KIF19: variants seen among roughly 807,000 people sequenced by gnomAD.
The protein encoded by KIF19 is kinesin family member 19.
In KIF19, 98 loss-of-function variants were observed where a neutral mutation model predicts 106.6. The observed-to-expected ratio is 0.92, with a 90% CI of 0.78 to 1.09. KIF19 has a LOEUF of 1.09. KIF19 is among the 50% of genes least tolerant of loss of function. KIF19 has a pLI of 0.00. For missense variants in KIF19, 1,373 were observed against 1,414.3 expected (o/e 0.97, Z 0.47); for synonymous variants, 516 against 584.2 (o/e 0.88, Z 1.68).
At position 74,326,333 on chromosome 17, in the gene KIF19, C is replaced by T; in HGVS notation, c.-17C>T. ...ATGCCCGGTGGCGCGGCCTGAGCCCCTCCACCTGCTGCAATCATGAAGGAC... is the reference window on the plus strand; with the variant it reads ...ATGCCCGGTGGCGCGGCCTGAGCCCTTCCACCTGCTGCAATCATGAAGGAC... On this transcript the variant is annotated 5_prime_UTR_variant, in exon 1 of 20. Coordinates refer to ENST00000389916, the MANE Select transcript of KIF19 (RefSeq NM_153209.4). The T allele has an allele frequency of 1.2e-6, 2 of 1,610,410 alleles. No individual in the cohort carries two copies. The highest frequency in any genetic ancestry group is 1.1e-5 in the South Asian group (1 of 90,816).
rs778492991 is a variant in KIF19, at chr17:74,353,513, T to C, written c.2240T>C (p.Leu747Pro). Residue 747 changes from leucine to proline, a missense_variant, in exon 17 of 20, where the codon CTG (leucine) becomes CCG (proline). Leu to Pro is a moderately conservative substitution (Grantham distance 98, BLOSUM62 -3). Coordinates refer to ENST00000389916, the MANE Select transcript of KIF19 (RefSeq NM_153209.4). Reference sequence around the variant, plus strand: ...CCACAGGCCCCGGCTCAGGACAGCCTGGGCAGCTGGATCAACTCTTCCCCT... The same window carrying C: ...CCACAGGCCCCGGCTCAGGACAGCCCGGGCAGCTGGATCAACTCTTCCCCT... ...VTQEAPAQDS[L>P]GSWINSSPDS... 2 of 1,613,872 alleles carry C rather than the reference T, an allele frequency of 1.2e-6. No individual in the cohort carries two copies. Among genetic ancestry groups the C allele is most frequent in the Non-Finnish European group, 1.7e-6 (2 of 1,179,868 alleles).
At chr17:74,342,946 C>A in intron 4 of KIF19, 78 bp from the exon 5 acceptor site, 2 of 1,480,884 alleles carry the variant, frequency 1.4e-6, no homozygotes, top group South Asian at 1.3e-5. Context: ...GGACAAACCC[C>A]GGTTTCCAGG....
intron 2 of KIF19, among the ~76,000 whole-genome samples, chr17:74,339,538 C>G (rs2054302870): frequency 6.7e-6 from 1 of 149,606 alleles, no homozygotes; most frequent in African/African-American, 2.5e-5. Flanking sequence ...AAGAGGGGAC[C>G]AATGAGACAC....
chr17:74,344,844 G>A lies in KIF19; in HGVS notation c.666G>A (p.Ala222=), dbSNP rs200721967. The part of the protein sequence containing the change: ...AANQTSSRSH[A]VLQVTVRQRS... Reference sequence around the variant, plus strand: ...ACCAGACGTCCTCCCGCTCCCACGCGGTACTGCAGGTGACCGTGCGCCAGC... The same window carrying A: ...ACCAGACGTCCTCCCGCTCCCACGCAGTACTGCAGGTGACCGTGCGCCAGC... The change falls in exon 7 of 20, where the codon GCG becomes GCA. Residue 222 remains alanine (A), a synonymous_variant. Transcript: ENST00000389916. 14 of 1,612,696 alleles carry A rather than the reference G, an allele frequency of 8.7e-6. No individual in the cohort carries two copies. Among genetic ancestry groups the A allele is most frequent in the Non-Finnish European group, 1.0e-5 (12 of 1,179,796 alleles).
chr17:74,330,974 G>A (rs901552016), intron 2 of KIF19, among the ~76,000 whole-genome samples: 10 of 152,140 alleles, frequency 6.6e-5, no homozygotes, highest in Non-Finnish European at 4.4e-5. Context: ...CCCTTCTAAC[G>A]GAGGACTGTA....
At chr17:74,348,151 C>T (rs1205509075) in intron 9 of KIF19, among the ~76,000 whole-genome samples, 2 of 152,266 alleles carry the variant, frequency 1.3e-5, no homozygotes, top group Non-Finnish European at 2.9e-5. Flanking sequence ...CTCATCCCCT[C>T]TTCTCTTCCC....
At position 74,353,205 on chromosome 17, in the gene KIF19, C is replaced by A. The variant is rs1380382209; in HGVS notation, c.2124C>A (p.His708Gln). 6.3e-6 allele frequency: 10 copies of A among 1,585,334 alleles called. No individual in the cohort carries two copies. Among genetic ancestry groups the A allele is most frequent in the South Asian group, 1.2e-5 (1 of 86,536 alleles). ...CCTCTGCCAACTTCAGTGAAGGCCA[C>A]CACGTGTTCAAGGCTGGTACTGGGG... ...LPPLSTESEG[H>Q]HVFKAGTGAW... The change falls in exon 16 of 20, where the codon CAC (histidine) becomes CAA (glutamine). Residue 708 changes from histidine to glutamine, a missense_variant. Around this residue, in one of 3 missense-constraint regions of KIF19, gnomAD observed 1,020 missense variants for 1,008.2 expected, o/e 1.01. Transcript: ENST00000389916.
chr17:74,355,189 G>C lies in KIF19; in HGVS notation c.2874G>C (p.Gly958=). 6.2e-7 allele frequency: 1 copy of C among 1,600,516 alleles called. No individual in the cohort carries two copies. Among genetic ancestry groups the C allele is most frequent in the Non-Finnish European group, 8.5e-7 (1 of 1,172,228 alleles). ...CCCCTTTCCCTGTTGCAGGCCCGGG[G>C]GACTCCTCACCCCTGGCTGTTCCCC... The part of the protein sequence containing the change: ...KLPPSQNTGP[G]DSSPLAVPPN... Residue 958 remains glycine (G), a synonymous_variant, in exon 20 of 20, where the codon GGG becomes GGC. Coordinates refer to ENST00000389916, the MANE Select transcript of KIF19 (RefSeq NM_153209.4).
intron 12 of KIF19, among the ~76,000 whole-genome samples, chr17:74,351,499 A>AAAT (rs1428385763): frequency 2.0e-5 from 3 of 151,984 alleles, no homozygotes; most frequent in African/African-American, 7.3e-5. Flanking sequence ...CAAAAAAGAA[A>AAAT]AATAATAATA....
At chr17:74,341,156 G>A (rs1188677693) in intron 2 of KIF19, among the ~76,000 whole-genome samples, 1 of 152,062 alleles carries the variant, frequency 6.6e-6, no homozygotes, top group Non-Finnish European at 1.5e-5. Context: ...CCAACATGGA[G>A]AAACCCCATC....
rs368550936 is a variant in KIF19 at position 74,344,722 on chromosome 17, G to A, written c.583-39G>A. On this transcript the variant is annotated intron_variant, in intron 6 of 19. Coordinates refer to ENST00000389916, the MANE Select transcript of KIF19 (RefSeq NM_153209.4). ...GGCTCCTCTCTGCCGGAGCACCTAC[G>A]GCAGTCGCTAAGAGCTGCCTCTCCT... is the stretch of plus-strand genomic sequence containing the variant. The A allele has an allele frequency of 2.8e-5, 44 of 1,579,434 alleles. No individual in the cohort carries two copies. In the African/African-American group the frequency reaches 3.6e-4, roughly 13 times the overall value.
At chr17:74,353,682 G>A in intron 17 of KIF19, 101 bp downstream of exon 17, 2 of 929,272 alleles carry the variant, frequency 2.2e-6, no homozygotes, top group Non-Finnish European at 3.4e-6. Context: ...ACTGCCAAGT[G>A]CAACCAAGCA....
intron 10 of KIF19, among the ~76,000 whole-genome samples, chr17:74,349,901 C>A (rs867574163): frequency 6.6e-6 from 1 of 151,750 alleles, no homozygotes; most frequent in African/African-American, 2.4e-5. Flanking sequence ...CGGGTTCAAG[C>A]GATTCTTCTG....
In KIF19 at chr17:74,344,743, C is replaced by G. The variant is rs1434310699; in HGVS notation, c.583-18C>G. On this transcript the variant is annotated intron_variant, in intron 6 of 19. Transcript: ENST00000389916. ...CTACGGCAGTCGCTAAGAGCTGCCT[C>G]TCCTCCCTCCCACCCAGATCATGCA... 6.3e-7 allele frequency: 1 copy of G among 1,594,058 alleles called. No homozygotes were observed. Among genetic ancestry groups the G allele is most frequent in the Non-Finnish European group, 8.6e-7 (1 of 1,165,488 alleles).
In KIF19 at chr17:74,350,526, G is replaced by T. The variant is rs144533830; in HGVS notation, c.1339G>T (p.Ala447Ser). ...RRRLLELENRAMEVQIDTSRH... is the reference protein window; with the variant it reads ...RRRLLELENRSMEVQIDTSRH... ...GCGCCTGCTGGAGCTGGAGAACCGCGCCATGGAGGTCCAGATTGACACCTC... is the reference window on the plus strand; with the variant it reads ...GCGCCTGCTGGAGCTGGAGAACCGCTCCATGGAGGTCCAGATTGACACCTC... The change falls in exon 11 of 20, where the codon GCC becomes TCC. Residue 447 changes from alanine to serine, a missense_variant. Around this residue, in one of 3 missense-constraint regions of KIF19, gnomAD observed 1,020 missense variants for 1,008.2 expected, o/e 1.01. Coordinates refer to ENST00000389916, the MANE Select transcript of KIF19 (RefSeq NM_153209.4). The T allele has an allele frequency of 9.3e-6, 15 of 1,612,744 alleles. No homozygotes were observed. The highest frequency in any genetic ancestry group is 1.2e-5 in the Non-Finnish European group (14 of 1,179,852).
At position 74,349,202 on chromosome 17, in the gene KIF19, A is replaced by C. The variant is rs745504246; in HGVS notation, c.1066A>C (p.Asn356His). The change falls in exon 10 of 20, where the codon AAC (asparagine) becomes CAC (histidine). Residue 356 changes from asparagine (N) to histidine (H), a missense_variant. Coordinates refer to ENST00000389916, the MANE Select transcript of KIF19 (RefSeq NM_153209.4). ...CCTGCAGGTGAAGCAGAACCTCCTG[A>C]ACGTCTCCTACCACATCGCCCAGTA... Reference protein sequence around the residue: ...IKTRVKQNLLNVSYHIAQYTS... With the variant: ...IKTRVKQNLLHVSYHIAQYTS... The C allele has an allele frequency of 6.9e-5, 112 of 1,613,666 alleles. No homozygotes were observed. The highest frequency in any genetic ancestry group is 2.0e-5 in the Non-Finnish European group (24 of 1,179,886).
rs570429662 is a variant in KIF19 at position 74,338,685 on chromosome 17, G to C, written c.121-3191G>C. The stretch of plus-strand genomic sequence containing the variant: ...CAGGAGTCCAGGTGGTGAAGGAAGG[G>C]GGTTTGACCCAGGGCACACGTAGAA... On this transcript the variant is annotated intron_variant, in intron 2 of 19. Transcript: ENST00000389916. Among the ~76,000 whole-genome samples the C allele has an allele frequency of 2.6e-5, 4 of 152,036 alleles. No homozygotes were observed. The South Asian group carries it at 8.3e-4, about 32-fold the overall frequency.
intron 9 of KIF19, among the ~76,000 whole-genome samples, chr17:74,348,306 T>A (rs2054595978): frequency 6.6e-6 from 1 of 152,234 alleles, no homozygotes; most frequent in Non-Finnish European, 1.5e-5. Context: ...AACAGCAGTA[T>A]TATTGCGGTT....
intron 4 of KIF19, 114 bp from the exon 5 acceptor site, chr17:74,342,910 G>C: frequency 1.5e-6 from 2 of 1,329,516 alleles, no homozygotes; most frequent in Non-Finnish European, 2.0e-6. Flanking sequence ...CCACCTCCCT[G>C]GCCCTCTGAG....
Sources: allele counts gnomAD v4.1 joint callset (sites outside exome capture counted in the v4.1 genomes callset), GRCh38; gene constraint gnomAD v4.1.1; regional missense constraint gnomAD v4.1.1; transcripts MANE v1.5; gene names NCBI Gene and HGNC (gene_info 2026-07-23, HGNC 2026-07-21).